Variants in ADAMTS14 observed in about 807,000 individuals in gnomAD.
The protein encoded by ADAMTS14 is A disintegrin and metalloproteinase with thrombospondin motifs 14.
In ADAMTS14, 100 loss-of-function variants were observed where a neutral mutation model predicts 128.6. That is an observed-to-expected ratio of 0.78 (90% confidence interval 0.66 to 0.92). The LOEUF (loss-of-function observed/expected upper bound fraction) is 0.92. Ranked by LOEUF, ADAMTS14 falls within the 40% of genes least tolerant of loss-of-function variation. The pLI is 0.00. For missense variants in ADAMTS14, 1,562 were observed against 1,658.6 expected, an observed-to-expected ratio of 0.94 and a Z score of 1.01; for synonymous variants, 665 against 653.8, an observed-to-expected ratio of 1.02 and a Z score of -0.26.
chr10:70,720,909 A>G (rs1841236075), intron 4 of ADAMTS14, among the ~76,000 whole-genome samples: 1 of 152,024 alleles, frequency 6.6e-6, no homozygotes, highest in South Asian at 2.1e-4. Flanking sequence ...ATGGTCAGAT[A>G]CCCCATTATT....
At chr10:70,759,349 C>T (rs2132763284) in intron 21 of ADAMTS14, among the ~76,000 whole-genome samples, 1 of 152,150 alleles carries the variant, frequency 6.6e-6, no homozygotes, top group African/African-American at 2.4e-5. Flanking sequence ...CTCTTCCCAC[C>T]TCCCTCTTTC....
chr10:70,684,942 T>C (rs72814529), intron 2 of ADAMTS14, among the ~76,000 whole-genome samples: 26,917 of 152,262 alleles, frequency 0.18, 2,930 homozygotes, highest in Middle Eastern at 0.25. Context: ...ATGACCATGC[T>C]TCACTGTCTG....
chr10:70,721,019 C>CTTTTTTTTTTTTTTTTTTTT (rs56656736), intron 4 of ADAMTS14, among the ~76,000 whole-genome samples: 2 of 84,336 alleles, frequency 2.4e-5, no homozygotes, highest in Non-Finnish European at 4.3e-5. Context: ...TCTCTTTTTT[C>CTTTTTTTTTTTTTTTTTTTT]TTTTTTTTTT....
chr10:70,732,207 A>T (rs1301951416), intron 6 of ADAMTS14, 47 bp from the exon 7 acceptor site: 28 of 1,542,670 alleles, frequency 1.8e-5, no homozygotes, highest in Non-Finnish European at 2.4e-5. Context: ...GTCCTGCCTC[A>T]CCTGCCCTCC....
chr10:70,754,650 G>A (rs932694454), intron 19 of ADAMTS14, among the ~76,000 whole-genome samples: 1 of 152,182 alleles, frequency 6.6e-6, no homozygotes, highest in Non-Finnish European at 1.5e-5. Flanking sequence ...TAGGGGCTGC[G>A]AGATAACACT....
At chr10:70,748,422 G>T (rs1009309698) in intron 15 of ADAMTS14, among the ~76,000 whole-genome samples, 1 of 152,216 alleles carries the variant, frequency 6.6e-6, no homozygotes, top group Non-Finnish European at 1.5e-5. Context: ...GACTGAGAGC[G>T]ATCAGGGAAC....
intron 4 of ADAMTS14, among the ~76,000 whole-genome samples, chr10:70,709,189 C>G (rs12255288): frequency 9.2e-5 from 14 of 151,902 alleles, no homozygotes; most frequent in African/African-American, 3.4e-4. Flanking sequence ...AAAATGCCCA[C>G]CCCCAGGCTG....
intron 21 of ADAMTS14, among the ~76,000 whole-genome samples, chr10:70,759,131 C>CTTTTTTTTTTTTTTTTTTTTTTTTTTT (rs1564563850): frequency 8.3e-6 from 1 of 121,170 alleles, no homozygotes; most frequent in Non-Finnish European, 1.7e-5. Context: ...CAATCTTCTA[C>CTTTTTTTTTTTTTTTTTTTTTTTTTTT]TTCTCTGCTC....
At chr10:70,684,638 A>G (rs1839903915) in intron 2 of ADAMTS14, among the ~76,000 whole-genome samples, 1 of 152,272 alleles carries the variant, frequency 6.6e-6, no homozygotes, top group Non-Finnish European at 1.5e-5. Flanking sequence ...ATGCACTTAA[A>G]GTGCTGCCAC....
chr10:70,759,876 C>T (rs898743035), intron 21 of ADAMTS14, among the ~76,000 whole-genome samples: 1 of 152,164 alleles, frequency 6.6e-6, no homozygotes, highest in African/African-American at 2.4e-5. Flanking sequence ...GTAGGTCACA[C>T]CCTAGATTGT....
intron 8 of ADAMTS14, 121 bp downstream of exon 8, chr10:70,734,149 T>C (rs1841746385): frequency 1.5e-6 from 2 of 1,329,294 alleles, no homozygotes; most frequent in Non-Finnish European, 2.1e-6. Context: ...CCGTGACTCA[T>C]CTCGCCTCCC....
intron 11 of ADAMTS14, 26 bp downstream of exon 11, chr10:70,739,016 A>G (rs1841915814): frequency 7.9e-7 from 1 of 1,269,192 alleles, no homozygotes; most frequent in Non-Finnish European, 1.1e-6. Flanking sequence ...TAGGGTGGGG[A>G]GGGCAGGGAG....
rs979936305 is a variant in ADAMTS14 at position 70,757,262 on chromosome 10, C to T, written c.2938-700C>T. Among the ~76,000 whole-genome samples, 14 of 152,292 alleles carry T rather than the reference C, an allele frequency of 9.2e-5. No individual in the cohort carries two copies. The East Asian group carries it at 1.7e-3, about 19-fold the overall frequency. On this transcript the variant is annotated intron_variant, in intron 19 of 21. Coordinates refer to ENST00000373207, the MANE Select transcript of ADAMTS14 (RefSeq NM_080722.4). ...GCCACCCCCTGCAAACGGTGGTCCT[C>T]GGTCCTCTGGTGCCTCCTGCTCCTT...
intron 2 of ADAMTS14, among the ~76,000 whole-genome samples, chr10:70,685,507 T>C (rs115320863): frequency 0.013 from 2,012 of 152,240 alleles, 54 homozygotes; most frequent in African/African-American, 0.046. Context: ...CAGCTGTGGC[T>C]GGAAAAGGCT....
chr10:70,733,307 A>C (rs754526595), intron 7 of ADAMTS14, among the ~76,000 whole-genome samples: 1 of 152,240 alleles, frequency 6.6e-6, no homozygotes, highest in Non-Finnish European at 1.5e-5. Flanking sequence ...AATTGTGAAG[A>C]GCAAACTTTT....
In ADAMTS14 at chr10:70,735,279, G is replaced by A; in HGVS notation, c.1463G>A (p.Ser488Asn). Residue 488 changes from serine (S) to asparagine (N), a missense_variant, in exon 9 of 22, where the codon AGT (serine) becomes AAT (asparagine). Ser to Asn is a conservative substitution (Grantham distance 46). Transcript: ENST00000373207. Reference protein sequence around the residue: ...MDEQCRFDFGSGYQTCLAFRT... With the variant: ...MDEQCRFDFGNGYQTCLAFRT... Reference sequence around the variant, plus strand: ...GAGCAGTGCCGCTTTGACTTTGGCAGTGGCTACCAGACCTGCTTGGCAGTA... The same window carrying A: ...GAGCAGTGCCGCTTTGACTTTGGCAATGGCTACCAGACCTGCTTGGCAGTA... 6.2e-7 allele frequency: 1 copy of A among 1,613,980 alleles called. No individual in the cohort carries two copies. Among genetic ancestry groups the A allele is most frequent in the South Asian group, 1.1e-5 (1 of 90,994 alleles).
intron 4 of ADAMTS14, among the ~76,000 whole-genome samples, chr10:70,715,452 T>A (rs913707724): frequency 3.9e-5 from 6 of 152,032 alleles, no homozygotes; most frequent in Non-Finnish European, 8.8e-5. Context: ...CGAGGCCCCT[T>A]CCAGACCCAC....
At chr10:70,732,219 C>G in intron 6 of ADAMTS14, 35 bp from the exon 7 acceptor site, 1 of 1,594,026 alleles carries the variant, frequency 6.3e-7, no homozygotes, top group Non-Finnish European at 8.6e-7. Context: ...CTGCCCTCCA[C>G]CTCGCTCTCC....
At chr10:70,734,308 G>A (rs1182672320) in intron 8 of ADAMTS14, among the ~76,000 whole-genome samples, 1 of 152,194 alleles carries the variant, frequency 6.6e-6, no homozygotes, top group Non-Finnish European at 1.5e-5. Flanking sequence ...AGATTCTGCT[G>A]GGGTTGGGTC....
Sources: allele counts gnomAD v4.1 joint callset (sites outside exome capture counted in the v4.1 genomes callset), GRCh38; gene constraint gnomAD v4.1.1; transcripts MANE v1.5; gene names NCBI Gene and HGNC (gene_info 2026-07-23, HGNC 2026-07-21).